Variants in CPNE4 observed in about 807,000 individuals in gnomAD.
CPNE4 encodes the protein copine 4.
A neutral mutation model predicts 67.9 loss-of-function variants in CPNE4; 25 were observed. The observed-to-expected ratio is 0.37, with a 90% CI of 0.27 to 0.51. The LOEUF is 0.51. Ranked by LOEUF, CPNE4 falls within the 20% of genes least tolerant of loss-of-function variation. CPNE4 has a pLI of 0.93. For missense variants in CPNE4, 464 were observed against 690.8 expected (o/e 0.67, Z 3.68); for synonymous variants, 242 against 244.9 (o/e 0.99, Z 0.11).
At chr3:131,977,731 C>G (rs1047420617) in intron 1 of CPNE4, among the ~76,000 whole-genome samples, 1 of 151,768 alleles carries the variant, frequency 6.6e-6, no homozygotes, top group African/African-American at 2.4e-5. Flanking sequence ...TGATATTTGG[C>G]TACATGAGTA....
intron 2 of CPNE4, among the ~76,000 whole-genome samples, chr3:131,727,618 A>T (rs1018281317): frequency 6.6e-6 from 1 of 152,222 alleles, no homozygotes; most frequent in Non-Finnish European, 1.5e-5. Flanking sequence ...ATCTATTTAA[A>T]GTATATATCT....
At chr3:131,546,835 G>A (rs1221883248) in intron 14 of CPNE4, among the ~76,000 whole-genome samples, 1 of 152,164 alleles carries the variant, frequency 6.6e-6, no homozygotes, top group Non-Finnish European at 1.5e-5. Context: ...TGCCTTGGAT[G>A]CTCTTGAGGA....
upstream of CPNE4, among the ~76,000 whole-genome samples, chr3:132,036,078 A>T (rs1388786859): frequency 6.6e-6 from 1 of 152,214 alleles, no homozygotes; most frequent in Admixed American, 6.5e-5. Context: ...AGTAGACAGA[A>T]ATATCTTTGA....
chr3:131,859,778 C>A (rs1481944298), intron 2 of CPNE4, among the ~76,000 whole-genome samples: 2 of 152,246 alleles, frequency 1.3e-5, no homozygotes, highest in Middle Eastern at 3.4e-3. Context: ...TCTGCTGATA[C>A]CCAAACGTCT....
chr3:131,535,825 G>A (rs7624307), intron 15 of CPNE4, among the ~76,000 whole-genome samples: 1 of 152,090 alleles, frequency 6.6e-6, no homozygotes, highest in Non-Finnish European at 1.5e-5. Flanking sequence ...CCAACTCAGA[G>A]CTACTGAATC....
At chr3:131,827,795 G>T (rs1234866835) in intron 2 of CPNE4, among the ~76,000 whole-genome samples, 2 of 151,968 alleles carry the variant, frequency 1.3e-5, no homozygotes, top group East Asian at 3.9e-4. Context: ...ATTAAACATG[G>T]AGCAGATCCA....
In CPNE4 at chr3:131,581,627, C is replaced by T. The variant is rs371941468; in HGVS notation, c.819G>A (p.Lys273=). 8.7e-6 allele frequency: 14 copies of T among 1,613,730 alleles called. No homozygotes were observed. Among genetic ancestry groups the T allele is most frequent in the Non-Finnish European group, 1.2e-5 (14 of 1,179,676 alleles). ...WECINPKYKA[K]KKNYKNSGTV... Reference sequence around the variant, plus strand: ...TGCCTGAGTTCTTGTAATTCTTCTTCTTGGCTTTGTACTTGGGATTGATGC... The same window carrying T: ...TGCCTGAGTTCTTGTAATTCTTCTTTTTGGCTTTGTACTTGGGATTGATGC... Residue 273 remains lysine (K), a synonymous_variant, in exon 9 of 16, where the codon AAG becomes AAA. Transcript: ENST00000429747.
At chr3:131,714,003 C>G (rs1369472358) in intron 3 of CPNE4, among the ~76,000 whole-genome samples, 1 of 152,024 alleles carries the variant, frequency 6.6e-6, no homozygotes, top group African/African-American at 2.4e-5. Context: ...CTTCTGCTTG[C>G]AGTAATTCTG....
intron 2 of CPNE4, among the ~76,000 whole-genome samples, chr3:131,745,760 A>G (rs958663465): frequency 5.9e-5 from 9 of 152,018 alleles, no homozygotes; most frequent in African/African-American, 2.2e-4. Flanking sequence ...CTATGGGTAT[A>G]CCCTTCTGCC....
At chr3:131,985,727 C>G (rs6439325) in intron 1 of CPNE4, 17,458 of 152,448 alleles carry the variant, frequency 0.11, 3,211 homozygotes, top group African/African-American at 0.39. Flanking sequence ...AAGTCATATG[C>G]CCATCAACTC....
At chr3:131,734,301 T>G (rs948503647) in intron 2 of CPNE4, among the ~76,000 whole-genome samples, 1 of 152,158 alleles carries the variant, frequency 6.6e-6, no homozygotes, top group South Asian at 2.1e-4. Context: ...GGATTGTAGA[T>G]GTATGTTCTT....
chr3:131,700,054 CTTTTTTTTT>C (rs3035263), intron 3 of CPNE4, 74 bp from the exon 4 acceptor site: 42 of 254,732 alleles, frequency 1.6e-4, no homozygotes, highest in African/African-American at 8.6e-4. Context: ...TTTTTTAAAC[CTTTTTTTTT>C]TTTTTTTTTT....
intron 2 of CPNE4, among the ~76,000 whole-genome samples, chr3:131,868,293 C>T (rs1381522328): frequency 1.3e-5 from 2 of 152,166 alleles, no homozygotes; most frequent in Non-Finnish European, 2.9e-5. Context: ...CTGGCAGAAG[C>T]ACCGTTACAA....
chr3:131,942,463 T>TGTGTGTGTGTGTGA (rs2071424814), intron 1 of CPNE4, among the ~76,000 whole-genome samples: 2 of 70,748 alleles, frequency 2.8e-5, no homozygotes, highest in African/African-American at 1.0e-4. Context: ...TGTGTGTGTG[T>TGTGTGTGTGTGTGA]GAGAGAGAGA....
At chr3:131,669,048 G>A (rs1361437877) in intron 7 of CPNE4, among the ~76,000 whole-genome samples, 1 of 152,150 alleles carries the variant, frequency 6.6e-6, no homozygotes, top group East Asian at 1.9e-4. Flanking sequence ...GGTCTTATGG[G>A]GCTCTGTTCT....
chr3:131,541,529 T>C (rs1935486185), intron 15 of CPNE4, among the ~76,000 whole-genome samples: 1 of 151,970 alleles, frequency 6.6e-6, no homozygotes, highest in African/African-American at 2.4e-5. Flanking sequence ...AGAAAACTGA[T>C]AGCAGGCGAT....
intron 8 of CPNE4, among the ~76,000 whole-genome samples, chr3:131,581,966 C>T (rs1433634361): frequency 1.3e-5 from 2 of 152,172 alleles, no homozygotes; most frequent in Admixed American, 6.5e-5. Context: ...TAATTATACT[C>T]TATCTCATAG....
rs986246063 is a variant in CPNE4, at chr3:131,991,258, A to G, written c.-2+43309T>C. On this transcript the variant is annotated intron_variant, in intron 1 of 15. Coordinates refer to ENST00000429747, the MANE Select transcript of CPNE4 (RefSeq NM_130808.3). ...TCAGAAGAGGACATAAAAATGTGGG[A>G]AAGTTTGGAACTTCCTAGAGAATTG... Among the ~76,000 whole-genome samples the G allele has an allele frequency of 3.7e-5, 5 of 136,290 alleles. 2 individuals are homozygous for G. The highest frequency in any genetic ancestry group is 8.3e-5 in the Non-Finnish European group (5 of 60,080). The allele number at this position is 136,290 out of a possible 152,430, so 89.4% of individuals were successfully genotyped here. A position where few individuals can be genotyped will look rare whatever the true frequency, so the allele number is the denominator to read the frequency against.
At chr3:131,789,470 G>T (rs1230188491) in intron 2 of CPNE4, among the ~76,000 whole-genome samples, 1 of 152,194 alleles carries the variant, frequency 6.6e-6, no homozygotes, top group Non-Finnish European at 1.5e-5. Flanking sequence ...ACCACTAGTT[G>T]TGAAACCATG....
Sources: gnomAD v4.1 joint callset for allele counts (sites outside exome capture counted in the v4.1 genomes callset) on GRCh38, gnomAD v4.1.1 for gene constraint, MANE v1.5 for transcripts, NCBI Gene and HGNC (gene_info 2026-07-23, HGNC 2026-07-21) for gene names.